The following PRKG1 variants were observed in gnomAD, a reference collection of about 807,000 sequenced individuals.
PRKG1 encodes the protein cGMP-dependent protein kinase 1.
A neutral mutation model predicts 88.1 loss-of-function variants in PRKG1; 35 were observed. That is an observed-to-expected ratio of 0.40 (90% CI 0.30 to 0.53). The LOEUF is 0.53. Among genes scored for constraint, PRKG1 ranks in the 20% least tolerant of loss-of-function variants. The pLI, the probability that PRKG1 is intolerant of heterozygous loss-of-function variation, is 0.59. For synonymous variants in PRKG1, 303 were observed against 292.5 expected, an observed-to-expected ratio of 1.04 and a Z score of -0.37; for missense variants, 540 against 839.8, an observed-to-expected ratio of 0.64 and a Z score of 4.41.
At chr10:51,930,297 T>C (rs970284441) in intron 5 of PRKG1, among the ~76,000 whole-genome samples, 1 of 152,060 alleles carries the variant, frequency 6.6e-6, no homozygotes, top group African/African-American at 2.4e-5. Context: ...TGAAAAGAGT[T>C]ATGGAGCTGA....
At chr10:51,711,418 C>T (rs2132433374) in intron 3 of PRKG1, among the ~76,000 whole-genome samples, 1 of 152,226 alleles carries the variant, frequency 6.6e-6, no homozygotes, top group Admixed American at 6.5e-5. Flanking sequence ...CTTTCTTTTT[C>T]ATATACAGTC....
intron 1 of PRKG1, among the ~76,000 whole-genome samples, chr10:51,129,377 G>T (rs945622583): frequency 2.0e-5 from 3 of 151,966 alleles, no homozygotes; most frequent in Non-Finnish European, 4.4e-5. Flanking sequence ...CCCGAGAGGC[G>T]GGGGTTGCAG....
At chr10:51,033,375 T>C (rs771868612) in intron 1 of PRKG1, among the ~76,000 whole-genome samples, 3 of 152,094 alleles carry the variant, frequency 2.0e-5, no homozygotes, top group Admixed American at 6.6e-5. Context: ...GAAACTGAGG[T>C]TGGAGAGGAA....
At chr10:51,595,974 G>T (rs1432096622) in intron 3 of PRKG1, among the ~76,000 whole-genome samples, 2 of 152,032 alleles carry the variant, frequency 1.3e-5, no homozygotes, top group Non-Finnish European at 2.9e-5. Context: ...GGGCTTACAG[G>T]CGCCTGCCAC....
intron 3 of PRKG1, among the ~76,000 whole-genome samples, chr10:51,607,846 G>C (rs369213310): frequency 1.3e-5 from 2 of 152,084 alleles, no homozygotes; most frequent in South Asian, 4.1e-4. Context: ...TTAAAAAAAA[G>C]AAACTCTTGG....
At chr10:51,780,064 G>A (rs1023023398) in intron 3 of PRKG1, among the ~76,000 whole-genome samples, 3 of 152,050 alleles carry the variant, frequency 2.0e-5, no homozygotes, top group Non-Finnish European at 2.9e-5. Context: ...TTTGAGTTTG[G>A]CATAATCTGT....
chr10:51,532,146 G>A (rs1842034838), intron 3 of PRKG1, among the ~76,000 whole-genome samples: 1 of 152,208 alleles, frequency 6.6e-6, no homozygotes, highest in Non-Finnish European at 1.5e-5. Context: ...AGCTGCAGCA[G>A]GAGCTTGGAG....
intron 9 of PRKG1, among the ~76,000 whole-genome samples, chr10:52,170,056 C>T (rs1360754001): frequency 6.6e-6 from 1 of 152,142 alleles, no homozygotes; most frequent in Admixed American, 6.5e-5. Context: ...TAGTTTAAAG[C>T]ATTACCCTCT....
chr10:51,816,417 A>G (rs1839586748), intron 4 of PRKG1, among the ~76,000 whole-genome samples: 1 of 152,190 alleles, frequency 6.6e-6, no homozygotes, highest in African/African-American at 2.4e-5. Context: ...GAATAAAAAA[A>G]GTAATGTCAA....
At chr10:52,244,778 C>T (rs12766520) in intron 9 of PRKG1, among the ~76,000 whole-genome samples, 70,271 of 133,150 alleles carry the variant, frequency 0.53, 20,347 homozygotes, top group East Asian at 0.81. Flanking sequence ...AAATATATAC[C>T]TTAATATATA....
chr10:51,689,099 C>T (rs1051685382), intron 3 of PRKG1, among the ~76,000 whole-genome samples: 1 of 152,128 alleles, frequency 6.6e-6, no homozygotes, highest in African/African-American at 2.4e-5. Flanking sequence ...GCTTGTGAGG[C>T]TTCCTCAGCC....
rs76951048 is a variant in PRKG1, at chr10:52,125,336, T to G, written c.936-8504T>G. Among the ~76,000 whole-genome samples the G allele has an allele frequency of 4.0e-3, 616 of 152,306 alleles. 3 individuals are homozygous for G. Among genetic ancestry groups the G allele is most frequent in the Non-Finnish European group, 5.7e-3 (386 of 68,018 alleles). On this transcript the variant is annotated intron_variant, in intron 7 of 17. Transcript: ENST00000373980. ...GACTATGCATGCTTCCTGTAACACATTTCTCCTGACTGTTTATCTTAAGGA... is the reference window on the plus strand; with the variant it reads ...GACTATGCATGCTTCCTGTAACACAGTTCTCCTGACTGTTTATCTTAAGGA...
chr10:52,082,949 T>A (rs1299126692), intron 7 of PRKG1, among the ~76,000 whole-genome samples: 1 of 152,144 alleles, frequency 6.6e-6, no homozygotes, highest in Non-Finnish European at 1.5e-5. Context: ...TAAAGAAAGC[T>A]TATATCTTTT....
At chr10:52,014,380 A>G (rs1039105973) in intron 5 of PRKG1, among the ~76,000 whole-genome samples, 5 of 152,112 alleles carry the variant, frequency 3.3e-5, no homozygotes, top group African/African-American at 1.2e-4. Flanking sequence ...AGATCCCATG[A>G]GAACTCATGC....
chr10:51,278,669 G>A (rs780109126), intron 2 of PRKG1, among the ~76,000 whole-genome samples: 54 of 152,138 alleles, frequency 3.5e-4, no homozygotes, highest in Non-Finnish European at 4.1e-4. Flanking sequence ...ACTTCTTCCT[G>A]GTTTAGTCTT....
chr10:51,307,000 G>A (rs944131651), intron 2 of PRKG1, among the ~76,000 whole-genome samples: 1 of 152,138 alleles, frequency 6.6e-6, no homozygotes, highest in African/African-American at 2.4e-5. Context: ...TTTCAGAAGT[G>A]TGAAAATGGG....
chr10:52,210,801 T>C (rs1839951666), intron 9 of PRKG1, among the ~76,000 whole-genome samples: 1 of 152,232 alleles, frequency 6.6e-6, no homozygotes, highest in South Asian at 2.1e-4. Flanking sequence ...GAGTTAGCCC[T>C]GTACAAATTA....
chr10:51,519,343 A>G (rs1169200091), intron 3 of PRKG1, among the ~76,000 whole-genome samples: 1 of 152,290 alleles, frequency 6.6e-6, no homozygotes, highest in African/African-American at 2.4e-5. Flanking sequence ...AGTCTCAAAA[A>G]TTTGGGATAA....
At chr10:52,176,931 A>G (rs1245528072) in intron 9 of PRKG1, among the ~76,000 whole-genome samples, 4 of 152,230 alleles carry the variant, frequency 2.6e-5, no homozygotes, top group Admixed American at 2.0e-4. Flanking sequence ...GTTTTTCTCT[A>G]TATAAGATCA....
Sources: allele counts gnomAD v4.1 joint callset (sites outside exome capture counted in the v4.1 genomes callset), GRCh38; gene constraint gnomAD v4.1.1; transcripts MANE v1.5; gene names NCBI Gene and HGNC (gene_info 2026-07-23, HGNC 2026-07-21).